DNAH8: variants seen among roughly 807,000 people sequenced by gnomAD.
The protein encoded by DNAH8 is axonemal beta dynein heavy chain 8.
Under a neutral mutation model 562.1 loss-of-function variants are expected in DNAH8, and 382 were observed. The observed-to-expected ratio is 0.68, with a 90% CI of 0.63 to 0.74. The LOEUF (loss-of-function observed/expected upper bound fraction) is 0.74. DNAH8 is among the 30% of genes least tolerant of loss of function. DNAH8 has a pLI of 0.00. For missense variants in DNAH8, 5,203 were observed against 5,620.4 expected (o/e 0.93, Z 2.37); for synonymous variants, 1,881 against 1,919.4 (o/e 0.98, Z 0.52).
intron 81 of DNAH8, among the ~76,000 whole-genome samples, chr6:38,950,873 A>G (rs531740720): frequency 6.6e-6 from 1 of 151,638 alleles, no homozygotes; most frequent in African/African-American, 2.4e-5. Context: ...GTGCTTTACC[A>G]TATCAATATT....
intron 88 of DNAH8, among the ~76,000 whole-genome samples, chr6:39,002,350 A>G (rs1765544826): frequency 6.6e-6 from 1 of 152,178 alleles, no homozygotes; most frequent in South Asian, 2.1e-4. Context: ...ACAAATTTAA[A>G]TTTCTGAAAA....
At chr6:38,903,843 C>G (rs374916850) in intron 62 of DNAH8, among the ~76,000 whole-genome samples, 2 of 152,058 alleles carry the variant, frequency 1.3e-5, no homozygotes, top group South Asian at 2.1e-4. Flanking sequence ...AACTCCTGAC[C>G]TTGTGATCCA....
rs375126528 is a variant in DNAH8 at position 38,990,255 on chromosome 6, ATC to A, written c.13214+90_13214+91del. 1.3e-3 allele frequency: 1,150 copies of A among 882,766 alleles called. 7 individuals are homozygous for A. In the African/African-American group the frequency reaches 0.015, roughly 12 times the overall value. 54.7% of individuals were successfully genotyped at this position (882,766 alleles called of 1,614,324 possible). A position where few individuals can be genotyped will look rare whatever the true frequency, so the allele number is the denominator to read the frequency against. ...ATGGTGCATTTCATTTTCTCTCCTA[ATC>A]TCTCTCCTTTCCCCCTTTTTTTATT... is the stretch of plus-strand genomic sequence containing the variant. On this transcript the variant is annotated intron_variant, in intron 88 of 92. Coordinates refer to ENST00000327475, the MANE Select transcript of DNAH8 (RefSeq NM_001206927.2).
chr6:38,795,921 C>A (rs1259067347), intron 21 of DNAH8, among the ~76,000 whole-genome samples: 1 of 152,190 alleles, frequency 6.6e-6, no homozygotes, highest in African/African-American at 2.4e-5. Flanking sequence ...TGTTCCTTGT[C>A]TTGGCGCATC....
chr6:38,725,721 C>A (rs537365796), intron 3 of DNAH8, among the ~76,000 whole-genome samples: 3 of 152,170 alleles, frequency 2.0e-5, no homozygotes, highest in Non-Finnish European at 4.4e-5. Flanking sequence ...ACAGAGGCCC[C>A]TGTGCTTAGA....
At chr6:38,946,541 T>C (rs941466609) in intron 80 of DNAH8, among the ~76,000 whole-genome samples, 1 of 152,228 alleles carries the variant, frequency 6.6e-6, no homozygotes, top group Non-Finnish European at 1.5e-5. Flanking sequence ...CTGGGCCCGA[T>C]GGTTCACGCC....
chr6:38,931,346 T>C (rs1782538276), intron 75 of DNAH8: 1 of 152,206 alleles, frequency 6.6e-6, no homozygotes, highest in African/African-American at 2.4e-5. Context: ...ATTAACTTTT[T>C]CTGTTGTCAA....
rs749649067 is a variant in DNAH8, at chr6:38,779,965, G to A, written c.2040-1G>A. ...AACCATTCAGCTTTGATTACTTTTA[G>A]GTTTCAGAAGCTGAACATTCCCTGT... On this transcript the variant is annotated splice_acceptor_variant, in intron 14 of 92. Coordinates refer to ENST00000327475, the MANE Select transcript of DNAH8 (RefSeq NM_001206927.2). LOFTEE classifies it high-confidence loss of function. 1 of 1,613,276 alleles carries A rather than the reference G, an allele frequency of 6.2e-7. No individual in the cohort carries two copies. Among genetic ancestry groups the A allele is most frequent in the Non-Finnish European group, 8.5e-7 (1 of 1,179,446 alleles).
At chr6:38,905,487 G>C (rs866604438) in intron 62 of DNAH8, among the ~76,000 whole-genome samples, 2 of 152,128 alleles carry the variant, frequency 1.3e-5, no homozygotes, top group Admixed American at 6.5e-5. Context: ...TTAATGAGCT[G>C]TGCAAATTGC....
chr6:38,899,116 G>A (rs1482212544), intron 61 of DNAH8, among the ~76,000 whole-genome samples: 2 of 152,014 alleles, frequency 1.3e-5, no homozygotes, highest in African/African-American at 4.8e-5. Context: ...TCCCTAATTG[G>A]TGACAATAAT....
Position 38,741,873 on chromosome 6 carries a change from T to G in DNAH8, c.1279T>G (p.Ser427Ala). The G allele has an allele frequency of 6.2e-7, 1 of 1,610,158 alleles. No individual in the cohort carries two copies. Among genetic ancestry groups the G allele is most frequent in the Non-Finnish European group, 8.5e-7 (1 of 1,178,916 alleles). ...CATAAATGTGCTAAATGTTGCACAC[T>G]CCAAACTGCTAAAGGTAAAAGGCTT... is the stretch of plus-strand genomic sequence containing the variant. Reference protein sequence around the residue: ...AVINVLNVAHSKLLKNWRDLD... With the variant: ...AVINVLNVAHAKLLKNWRDLD... The change falls in exon 8 of 93, where the codon TCC (serine) becomes GCC (alanine). Residue 427 changes from serine to alanine, a missense_variant. Coordinates refer to ENST00000327475, the MANE Select transcript of DNAH8 (RefSeq NM_001206927.2).
Position 38,909,764 on chromosome 6 carries a change from C to A in DNAH8, c.9740+20C>A, listed in dbSNP as rs768939700. ...CCAAAGGTAAGTGATATTACATAAG[C>A]ACCATCGCTATGGAACCACAGCATG... is the stretch of plus-strand genomic sequence containing the variant. On this transcript the variant is annotated intron_variant, in intron 65 of 92. Coordinates refer to ENST00000327475, the MANE Select transcript of DNAH8 (RefSeq NM_001206927.2). The A allele has an allele frequency of 1.3e-6, 2 of 1,586,330 alleles. No individual in the cohort carries two copies. The highest frequency in any genetic ancestry group is 1.7e-6 in the Non-Finnish European group (2 of 1,155,286).
At chr6:38,909,100 C>A (rs945302776) in intron 64 of DNAH8, among the ~76,000 whole-genome samples, 1 of 152,192 alleles carries the variant, frequency 6.6e-6, no homozygotes, top group Non-Finnish European at 1.5e-5. Context: ...ACAAGGAACT[C>A]AATCCCTCTT....
At chr6:38,802,960 A>G (rs561566487) in intron 21 of DNAH8, among the ~76,000 whole-genome samples, 2 of 152,318 alleles carry the variant, frequency 1.3e-5, no homozygotes, top group Non-Finnish European at 2.9e-5. Context: ...TAGGTCAAAG[A>G]TGGACTTTTT....
intron 88 of DNAH8, among the ~76,000 whole-genome samples, chr6:38,997,625 A>G (rs1350150949): frequency 2.6e-5 from 4 of 152,222 alleles, no homozygotes; most frequent in Admixed American, 2.6e-4. Flanking sequence ...CAGAGATAAC[A>G]GCTTCAGCCA....
chr6:38,919,706 A>T (rs1362361315), intron 70 of DNAH8, among the ~76,000 whole-genome samples: 1 of 152,206 alleles, frequency 6.6e-6, no homozygotes, highest in African/African-American at 2.4e-5. Context: ...TCTGAGTATA[A>T]GCAATAATAC....
chr6:38,719,298 T>C (rs1449963178), intron 1 of DNAH8, among the ~76,000 whole-genome samples: 2 of 152,218 alleles, frequency 1.3e-5, no homozygotes, highest in African/African-American at 2.4e-5. Context: ...TATTGCATGA[T>C]GCTGAGGTTT....
chr6:38,906,225 C>T, intron 62 of DNAH8, 29 bp from the exon 63 acceptor site: 1 of 1,479,478 alleles, frequency 6.8e-7, no homozygotes, highest in Non-Finnish European at 9.3e-7. Flanking sequence ...ATTTTTTAAT[C>T]TAAAACTTTC....
rs1431382499 is a variant in DNAH8 at position 39,018,762 on chromosome 6, C to T, written c.13714+6125C>T. On this transcript the variant is annotated intron_variant, in intron 91 of 92. Coordinates refer to ENST00000327475, the MANE Select transcript of DNAH8 (RefSeq NM_001206927.2). Reference sequence around the variant, plus strand: ...GAGGGAAACCAGGACAGCATGGTGTCATGGAAGGCAAGGAGAAGGAGAGTA... The same window carrying T: ...GAGGGAAACCAGGACAGCATGGTGTTATGGAAGGCAAGGAGAAGGAGAGTA... Among the ~76,000 whole-genome samples the T allele has an allele frequency of 2.0e-5, 3 of 152,246 alleles. No homozygotes were observed. The East Asian group carries it at 5.8e-4, about 30-fold the overall frequency.
Sources: allele counts gnomAD v4.1 joint callset (sites outside exome capture counted in the v4.1 genomes callset), GRCh38; gene constraint gnomAD v4.1.1; transcripts MANE v1.5; gene names NCBI Gene and HGNC (gene_info 2026-07-23, HGNC 2026-07-21).